MEF2C: variants seen among roughly 807,000 people sequenced by gnomAD.
MEF2C encodes myocyte-specific enhancer factor 2C.
Under a neutral mutation model 50.5 loss-of-function variants are expected in MEF2C, and 6 were observed. The observed-to-expected ratio is 0.12, with a 90% CI of 0.07 to 0.23. The LOEUF (loss-of-function observed/expected upper bound fraction) is 0.23, where lower values mean the gene tolerates loss of function less well. Ranked by LOEUF, MEF2C falls within the 10% of genes least tolerant of loss-of-function variation. The pLI is 1.00. For missense variants in MEF2C, 276 were observed against 605.0 expected, an observed-to-expected ratio of 0.46 and a Z score of 5.70; for synonymous variants, 183 against 228.0, an observed-to-expected ratio of 0.80 and a Z score of 1.78.
chr5:88,746,781 C>A, intron 6 of MEF2C: 1 of 767,338 alleles, frequency 1.3e-6, no homozygotes, highest in Non-Finnish European at 1.6e-6. Context: ...TAGGACATGA[C>A]AGCTAAGCTT....
At position 88,751,923 on chromosome 5, in the gene MEF2C, G is replaced by T. The variant is rs1554112122; in HGVS notation, c.523C>A (p.Pro175Thr). Residue 175 changes from proline to threonine, a missense_variant, in exon 5 of 11, where the codon CCT (proline) becomes ACT (threonine). Physicochemically the swap from Pro to Thr is conservative, Grantham distance 38 (BLOSUM62 -1). Coordinates refer to ENST00000504921, the MANE Select transcript of MEF2C (RefSeq NM_002397.5). Reference protein sequence around the residue: ...GNPNLLPLAHPSLQRNSMSPG... With the variant: ...GNPNLLPLAHTSLQRNSMSPG... ...GACATACTATTCCTCTGCAGAGAAGGGTGAGCCAGTGGCAATAGGTTGGGG... is the reference window on the plus strand; with the variant it reads ...GACATACTATTCCTCTGCAGAGAAGTGTGAGCCAGTGGCAATAGGTTGGGG... The T allele has an allele frequency of 4.3e-6, 7 of 1,613,876 alleles. No individual in the cohort carries two copies. The highest frequency in any genetic ancestry group is 5.9e-6 in the Non-Finnish European group (7 of 1,179,880).
At chr5:88,837,439 C>T (rs545831015) in intron 1 of MEF2C, among the ~76,000 whole-genome samples, 4 of 152,092 alleles carry the variant, frequency 2.6e-5, no homozygotes, top group Non-Finnish European at 4.4e-5. Flanking sequence ...AAGCACTAAG[C>T]GCAAAGCAAT....
chr5:88,736,053 A>G, intron 6 of MEF2C: 1 of 985,368 alleles, frequency 1.0e-6, no homozygotes, highest in Non-Finnish European at 1.2e-6. Flanking sequence ...TTAATCTACC[A>G]AACTGTCATC....
At chr5:88,833,634 C>A (rs1485835077) in intron 1 of MEF2C, among the ~76,000 whole-genome samples, 1 of 151,872 alleles carries the variant, frequency 6.6e-6, no homozygotes, top group Non-Finnish European at 1.5e-5. Context: ...CAGAAAACAG[C>A]CAATTAACAT....
At chr5:88,787,215 T>C (rs1230913317) in intron 3 of MEF2C, among the ~76,000 whole-genome samples, 1 of 152,248 alleles carries the variant, frequency 6.6e-6, no homozygotes, top group African/African-American at 2.4e-5. Flanking sequence ...ATATAATCAT[T>C]CAATATTTAC....
chr5:88,815,320 T>C (rs1262671041), intron 2 of MEF2C, among the ~76,000 whole-genome samples: 2 of 152,098 alleles, frequency 1.3e-5, no homozygotes, highest in Non-Finnish European at 2.9e-5. Flanking sequence ...GCCTAGGTTT[T>C]ACCTCCTAAC....
intron 1 of MEF2C, among the ~76,000 whole-genome samples, chr5:88,856,712 C>T (rs76714486): frequency 0.073 from 11,108 of 152,278 alleles, 815 homozygotes; most frequent in African/African-American, 0.19. Flanking sequence ...CCAAGCCTGG[C>T]GGCTTACACG....
At chr5:88,777,894 CTTTTCTTTTTTT>C (rs1785621746) in intron 3 of MEF2C, among the ~76,000 whole-genome samples, 1 of 66,386 alleles carries the variant, frequency 1.5e-5, no homozygotes, top group Admixed American at 1.6e-4. Flanking sequence ...CTAAATTTTT[CTTTTCTTTTTTT>C]TTTTTTTTTT....
intron 1 of MEF2C, among the ~76,000 whole-genome samples, chr5:88,876,810 A>G (rs1831203523): frequency 1.3e-5 from 2 of 151,982 alleles, no homozygotes; most frequent in African/African-American, 4.8e-5. Context: ...TTTTTAATCC[A>G]ATATGCTAGG....
Position 88,721,030 on chromosome 5 carries a change from T to C in MEF2C, c.*1574A>G, listed in dbSNP as rs529445938. 6.5e-6 allele frequency: 1 copy of C among 152,746 alleles called. No individual in the cohort carries two copies. Among genetic ancestry groups the C allele is most frequent in the South Asian group, 2.1e-4 (1 of 4,828 alleles). The allele number at this position is 152,746 out of a possible 1,614,324, so 9.5% of individuals were successfully genotyped here. On this transcript the variant is annotated 3_prime_UTR_variant, in exon 11 of 11. Transcript: ENST00000504921. ...AACTATCCCTTTACCTGCTTCCTTC[T>C]TGTCTAGCACCCAGTCTTTCACATT...
intron 4 of MEF2C, among the ~76,000 whole-genome samples, chr5:88,758,570 A>C (rs1255635958): frequency 6.6e-6 from 1 of 152,246 alleles, no homozygotes; most frequent in East Asian, 1.9e-4. Flanking sequence ...TAATGTTTTT[A>C]AAGAGGTGGA....
At chr5:88,759,693 G>A (rs901398110) in intron 4 of MEF2C, among the ~76,000 whole-genome samples, 4 of 152,158 alleles carry the variant, frequency 2.6e-5, no homozygotes, top group African/African-American at 9.6e-5. Flanking sequence ...AAACCCTTAA[G>A]AATTTATAGC....
chr5:88,778,322 G>A (rs1032763286), intron 3 of MEF2C, among the ~76,000 whole-genome samples: 2 of 152,150 alleles, frequency 1.3e-5, no homozygotes, highest in Non-Finnish European at 2.9e-5. Flanking sequence ...AATGATTAGA[G>A]TAATACTAGC....
chr5:88,861,237 T>G (rs561808624), intron 1 of MEF2C, among the ~76,000 whole-genome samples: 1 of 152,368 alleles, frequency 6.6e-6, no homozygotes, highest in South Asian at 2.1e-4. Flanking sequence ...TAATGCTGAC[T>G]ATACATTTCA....
intron 1 of MEF2C, among the ~76,000 whole-genome samples, chr5:88,895,231 T>C (rs1200153987): frequency 6.6e-6 from 1 of 152,214 alleles, no homozygotes; most frequent in African/African-American, 2.4e-5. Context: ...GTATTTGATA[T>C]ATAAAGTAAA....
At chr5:88,728,252 A>G (rs1261182618) in intron 10 of MEF2C, among the ~76,000 whole-genome samples, 1 of 152,182 alleles carries the variant, frequency 6.6e-6, no homozygotes, top group South Asian at 2.1e-4. Context: ...GTGGAAACAA[A>G]TGTAGCCTAA....
chr5:88,722,624 A>T lies in MEF2C; in HGVS notation c.1402T>A (p.Ser468Thr), dbSNP rs1244759936. 6.2e-7 allele frequency: 1 copy of T among 1,611,512 alleles called. No homozygotes were observed. The highest frequency in any genetic ancestry group is 8.5e-7 in the Non-Finnish European group (1 of 1,178,468). Residue 468 changes from serine (S) to threonine (T), a missense_variant, in exon 11 of 11, where the codon TCT becomes ACT. Physicochemically the swap from Ser to Thr is moderately conservative, Grantham distance 58 (BLOSUM62 1). Transcript: ENST00000504921. ...TCTGATCATGTTGCCCATCCTTCAG[A>T]AAGTCGCATGCGCTTGACTGAGGGA... ...ESPSVKRMRL[S>T]EGWAT is the part of the protein sequence containing the mutation.
chr5:88,757,320 G>A, intron 4 of MEF2C, among the ~76,000 whole-genome samples: 1 of 152,038 alleles, frequency 6.6e-6, no homozygotes, highest in East Asian at 1.9e-4. Flanking sequence ...TATTTAATGT[G>A]AGTGATTGAA....
intron 6 of MEF2C, 86 bp downstream of exon 6, chr5:88,748,984 T>C: frequency 1.3e-6 from 2 of 1,548,042 alleles, no homozygotes. Context: ...CTTAACTTTA[T>C]TTGTTCAAAA....
Sources: allele counts gnomAD v4.1 joint callset (sites outside exome capture counted in the v4.1 genomes callset), GRCh38; gene constraint gnomAD v4.1.1; transcripts MANE v1.5; gene names NCBI Gene and HGNC (gene_info 2026-07-23, HGNC 2026-07-21).